Variants in SH3GL2 observed in about 807,000 individuals in gnomAD.
The protein encoded by SH3GL2 is SH3 domain containing GRB2 like 2, endophilin A1.
In SH3GL2, 24 loss-of-function variants were observed where a neutral mutation model predicts 46.0. The ratio of observed to expected loss-of-function variants is 0.52; its 90% CI spans 0.38 to 0.73. The LOEUF is 0.73. SH3GL2 is among the 30% of genes least tolerant of loss of function. SH3GL2 has a pLI of 0.00. For missense variants in SH3GL2, 413 were observed against 424.2 expected (o/e 0.97, Z 0.23); for synonymous variants, 196 against 147.1 (o/e 1.33, Z -2.40).
intron 2 of SH3GL2, among the ~76,000 whole-genome samples, chr9:17,749,105 A>G (rs1416206007): frequency 6.6e-6 from 1 of 151,950 alleles, no homozygotes; most frequent in African/African-American, 2.4e-5. Flanking sequence ...GGAAAACCAG[A>G]CTCTTACAGC....
At chr9:17,581,067 A>G (rs1406842857) in intron 1 of SH3GL2, among the ~76,000 whole-genome samples, 1 of 152,350 alleles carries the variant, frequency 6.6e-6, no homozygotes, top group East Asian at 1.9e-4. Context: ...ACGAGTGTGT[A>G]GAACACACGT....
Position 17,736,851 on chromosome 9 carries a change from A to G in SH3GL2, c.46-10215A>G, listed in dbSNP as rs115989760. ...GCCTGTGGTTCCAAATGATATTTCT[A>G]TAGGCAGAAAGTGAGATGGAAGAGG... is the stretch of plus-strand genomic sequence containing the variant. On this transcript the variant is annotated intron_variant, in intron 1 of 8. Coordinates refer to ENST00000380607, the MANE Select transcript of SH3GL2 (RefSeq NM_003026.5). 7.3e-3 allele frequency among the ~76,000 whole-genome samples: 1,109 copies of G among 152,206 alleles called. 17 individuals are homozygous for G. The highest frequency in any genetic ancestry group is 0.025 in the African/African-American group (1,038 of 41,540).
At chr9:17,795,442 G>A (rs1588344890) in intron 8 of SH3GL2, 102 bp from the exon 9 acceptor site, 6 of 824,012 alleles carry the variant, frequency 7.3e-6, no homozygotes, top group South Asian at 5.1e-5. Context: ...GAGGAAAGAC[G>A]GGGAGCAGCA....
chr9:17,731,491 A>G (rs1038853474), intron 1 of SH3GL2, among the ~76,000 whole-genome samples: 4 of 151,990 alleles, frequency 2.6e-5, no homozygotes, highest in Non-Finnish European at 5.9e-5. Flanking sequence ...CTCTCTCCAC[A>G]CAACCACAGA....
intron 1 of SH3GL2, among the ~76,000 whole-genome samples, chr9:17,610,063 C>T (rs1296843029): frequency 6.6e-6 from 1 of 152,170 alleles, no homozygotes; most frequent in East Asian, 1.9e-4. Flanking sequence ...TTGTCATATC[C>T]CCTGTGTGCA....
intron 1 of SH3GL2, among the ~76,000 whole-genome samples, chr9:17,615,385 G>C (rs1025443306): frequency 3.3e-5 from 5 of 151,994 alleles, no homozygotes; most frequent in African/African-American, 9.7e-5. Flanking sequence ...GGCTGGGTGC[G>C]GTGGCTCATG....
At chr9:17,605,012 T>C (rs1419505230) in intron 1 of SH3GL2, among the ~76,000 whole-genome samples, 1 of 149,854 alleles carries the variant, frequency 6.7e-6, no homozygotes, top group African/African-American at 2.5e-5. Flanking sequence ...GGTCTTTGTG[T>C]CCCAGACTGG....
At chr9:17,770,453 A>G (rs1034356845) in intron 3 of SH3GL2, among the ~76,000 whole-genome samples, 1 of 152,180 alleles carries the variant, frequency 6.6e-6, no homozygotes. Flanking sequence ...AAGTGTGGCA[A>G]GTGTACTCTA....
intron 1 of SH3GL2, among the ~76,000 whole-genome samples, chr9:17,688,111 A>G (rs1820971702): frequency 6.6e-6 from 1 of 152,068 alleles, no homozygotes; most frequent in African/African-American, 2.4e-5. Context: ...ATAAAATTAA[A>G]ATACCTCTGA....
At position 17,765,262 on chromosome 9, in the gene SH3GL2, G is replaced by C. The variant is rs9407845; in HGVS notation, c.187+3753G>C. On this transcript the variant is annotated intron_variant, in intron 3 of 8. Transcript: ENST00000380607. ...CTGGCTTTCACATCTTGGGTTCATG[G>C]ACAGGCCAGGGGAATCAGTAGGATT... Among the ~76,000 whole-genome samples the C allele has an allele frequency of 1.5e-4, 15 of 98,592 alleles. 3 individuals are homozygous for C. In the South Asian group the frequency reaches 1.5e-3, roughly 10 times the overall value. 64.7% of individuals were successfully genotyped at this position (98,592 alleles called of 152,430 possible). A position where few individuals can be genotyped will look rare whatever the true frequency, so the allele number is the denominator to read the frequency against.
At chr9:17,789,716 A>G (rs1824068361) in intron 6 of SH3GL2, 166 bp downstream of exon 6, 1 of 1,368,362 alleles carries the variant, frequency 7.3e-7, no homozygotes. Flanking sequence ...AAGTAGACTG[A>G]GAAATAGAAA....
intron 1 of SH3GL2, among the ~76,000 whole-genome samples, chr9:17,647,624 A>T (rs1819851192): frequency 6.6e-6 from 1 of 152,154 alleles, no homozygotes; most frequent in African/African-American, 2.4e-5. Flanking sequence ...ATACTGTAAA[A>T]CACTTGGTAC....
intron 1 of SH3GL2, among the ~76,000 whole-genome samples, chr9:17,734,064 C>A (rs1536080): frequency 0.7 from 106,554 of 151,842 alleles, 37,989 homozygotes; most frequent in African/African-American, 0.82. Context: ...CACTCTCAGT[C>A]GAGAATTGCA....
At chr9:17,767,941 A>G (rs1214913268) in intron 3 of SH3GL2, among the ~76,000 whole-genome samples, 3 of 152,188 alleles carry the variant, frequency 2.0e-5, no homozygotes, top group Non-Finnish European at 2.9e-5. Flanking sequence ...TGGGGAAAAT[A>G]TTGAAAATAG....
In SH3GL2 at chr9:17,791,231, A is replaced by G. The variant is rs374783522; in HGVS notation, c.625A>G (p.Ile209Val). Reference protein sequence around the residue: ...SSMFNLLEMDIEQVSQLSALV... With the variant: ...SSMFNLLEMDVEQVSQLSALV... ...GCATGATTTTCCCATCAATCTGCAG[A>G]TTGAACAAGTGAGCCAGCTCTCTGC... The change falls in exon 7 of 9, where the codon ATT becomes GTT. Residue 209 changes from isoleucine (I) to valine (V), a missense_variant and splice_region_variant. Coordinates refer to ENST00000380607, the MANE Select transcript of SH3GL2 (RefSeq NM_003026.5). 5 of 1,611,144 alleles carry G rather than the reference A, an allele frequency of 3.1e-6. No individual in the cohort carries two copies. Among genetic ancestry groups the G allele is most frequent in the Non-Finnish European group, 4.2e-6 (5 of 1,177,462 alleles).
intron 3 of SH3GL2, among the ~76,000 whole-genome samples, chr9:17,771,890 TGTAA>T (rs3840723): frequency 0.1 from 15,349 of 152,210 alleles, 856 homozygotes; most frequent in Non-Finnish European, 0.11. Context: ...TGTCTATTTG[TGTAA>T]GTCAGTAGGC....
chr9:17,650,649 G>C (rs1341521529), intron 1 of SH3GL2, among the ~76,000 whole-genome samples: 2 of 152,164 alleles, frequency 1.3e-5, no homozygotes, highest in Non-Finnish European at 2.9e-5. Context: ...GAGTCACCAC[G>C]CTCGGCCTTG....
Position 17,703,739 on chromosome 9 carries a change from A to G in SH3GL2, c.46-43327A>G, listed in dbSNP as rs150831019. ...CTCAATAGACGCAGAAAAGGCTTTT[A>G]ATACAATTCAGCATCCGTTCATGTT... is the stretch of plus-strand genomic sequence containing the variant. On this transcript the variant is annotated intron_variant, in intron 1 of 8. Coordinates refer to ENST00000380607, the MANE Select transcript of SH3GL2 (RefSeq NM_003026.5). Among the ~76,000 whole-genome samples, 335 of 152,198 alleles carry G rather than the reference A, an allele frequency of 2.2e-3. 2 individuals are homozygous for G. Among genetic ancestry groups the G allele is most frequent in the African/African-American group, 7.8e-3 (324 of 41,554 alleles).
At chr9:17,611,350 G>A (rs914738335) in intron 1 of SH3GL2, among the ~76,000 whole-genome samples, 4 of 152,006 alleles carry the variant, frequency 2.6e-5, no homozygotes, top group Non-Finnish European at 4.4e-5. Context: ...TTTGCTTTTG[G>A]TTGAAATTGT....
Sources: allele counts gnomAD v4.1 joint callset (sites outside exome capture counted in the v4.1 genomes callset), GRCh38; gene constraint gnomAD v4.1.1; transcripts MANE v1.5; gene names NCBI Gene and HGNC (gene_info 2026-07-23, HGNC 2026-07-21).